GABRA3: variants seen among roughly 807,000 people sequenced by gnomAD.
The protein encoded by GABRA3 is gamma-aminobutyric acid type A receptor subunit alpha3, also known as gamma-aminobutyric acid receptor subunit alpha-3.
In GABRA3, 10 loss-of-function variants were observed where a neutral mutation model predicts 30.1. That is an observed-to-expected ratio of 0.33 (90% CI 0.20 to 0.56). GABRA3 has a LOEUF of 0.56. GABRA3 is among the 20% of genes least tolerant of loss of function. The probability of loss-of-function intolerance (pLI) is 0.89; values close to 1 mark genes in which losing one functional copy is unlikely to be tolerated. For synonymous variants in GABRA3, 151 were observed against 146.8 expected (o/e 1.03, Z -0.21); for missense variants, 233 against 392.0 (o/e 0.59, Z 3.42).
chrX:152,317,289 C>A (rs1379694689), intron 3 of GABRA3, among the ~76,000 whole-genome samples: 1 of 111,507 alleles, frequency 9.0e-6, no homozygotes, highest in East Asian at 2.8e-4. Context: ...AATATATATG[C>A]ACCTAACACT....
chrX:152,384,209 T>C (rs1929235460), intron 1 of GABRA3, among the ~76,000 whole-genome samples: 1 of 111,065 alleles, frequency 9.0e-6, no homozygotes, highest in East Asian at 2.8e-4. Context: ...AGAACACTGA[T>C]TAAAGACATT....
At chrX:152,342,652 C>T (rs766978808) in intron 3 of GABRA3, among the ~76,000 whole-genome samples, 4 of 111,686 alleles carry the variant, frequency 3.6e-5, no homozygotes, top group African/African-American at 9.8e-5. Flanking sequence ...CTGGAATCAT[C>T]GTGAATTCCA....
intron 4 of GABRA3, among the ~76,000 whole-genome samples, chrX:152,263,878 A>T: frequency 8.9e-6 from 1 of 112,164 alleles, no homozygotes. Context: ...TACATCTGGC[A>T]GCAGACTTTT....
intron 3 of GABRA3, among the ~76,000 whole-genome samples, chrX:152,305,426 A>G (rs902895176): frequency 4.5e-5 from 5 of 111,159 alleles, no homozygotes; most frequent in African/African-American, 1.6e-4. Context: ...AATGTAAAAA[A>G]AAAAAAAAAT....
chrX:152,244,299 C>T, intron 5 of GABRA3, among the ~76,000 whole-genome samples: 1 of 111,475 alleles, frequency 9.0e-6, no homozygotes, highest in African/African-American at 3.3e-5. Flanking sequence ...TGTTTGTGTC[C>T]CCCTGAAATT....
rs779557844 is a variant in GABRA3, at chrX:152,189,850, G to A, written c.1023C>T (p.Phe341=). The change falls in exon 9 of 10, where the codon TTC becomes TTT. Residue 341 remains phenylalanine (F), a synonymous_variant. Coordinates refer to ENST00000370314, the MANE Select transcript of GABRA3 (RefSeq NM_000808.4). ...KVAYATAMDW[F]IAVCYAFVFS... Reference sequence around the variant, plus strand: ...ATACAAAGGCATAACAGACGGCTATGAACCAGTCCATGGCCGTCGCATATG... The same window carrying A: ...ATACAAAGGCATAACAGACGGCTATAAACCAGTCCATGGCCGTCGCATATG... The A allele has an allele frequency of 4.1e-6, 5 of 1,209,025 alleles. No homozygotes were observed. The East Asian group carries it at 1.5e-4, about 36-fold the overall frequency.
chrX:152,327,792 C>T (rs767936354), intron 3 of GABRA3, among the ~76,000 whole-genome samples: 6 of 111,526 alleles, frequency 5.4e-5, no homozygotes, highest in African/African-American at 2.0e-4. Flanking sequence ...ATTAAAAGAA[C>T]TAGAGAAGTA....
chrX:152,296,601 T>A, intron 3 of GABRA3, among the ~76,000 whole-genome samples: 1 of 111,988 alleles, frequency 8.9e-6, no homozygotes, highest in Admixed American at 9.5e-5. Context: ...TTTGGTAGGC[T>A]TGGGTTCTAG....
rs765447827 is a variant in GABRA3 at position 152,280,513 on chromosome X, AT to A, written c.330+4154del. ...TGCTATTCTCCTTTTAATTAACACA[AT>A]TTTTTTTTCTCCATGGTGTTTGGAT... On this transcript the variant is annotated intron_variant, in intron 4 of 9. Coordinates refer to ENST00000370314, the MANE Select transcript of GABRA3 (RefSeq NM_000808.4). Among the ~76,000 whole-genome samples the A allele has an allele frequency of 8.1e-3, 888 of 109,919 alleles. 13 individuals are homozygous for A. Among genetic ancestry groups the A allele is most frequent in the African/African-American group, 0.028 (832 of 30,210 alleles).
At chrX:152,367,396 G>A (rs1449400206) in intron 1 of GABRA3, among the ~76,000 whole-genome samples, 1 of 111,474 alleles carries the variant, frequency 9.0e-6, no homozygotes, top group Non-Finnish European at 1.9e-5. Flanking sequence ...ATCATGACAC[G>A]TGCTCAGGCC....
At chrX:152,428,300 T>C (rs1930560959) in intron 1 of GABRA3, among the ~76,000 whole-genome samples, 1 of 112,101 alleles carries the variant, frequency 8.9e-6, no homozygotes, top group South Asian at 3.7e-4. Context: ...TTCAGAGCCC[T>C]GGCTGCTATG....
chrX:152,365,512 T>G (rs1928632529), intron 1 of GABRA3, among the ~76,000 whole-genome samples: 1 of 111,672 alleles, frequency 9.0e-6, no homozygotes, highest in Non-Finnish European at 1.9e-5. Flanking sequence ...AATAAAGTGA[T>G]GGTTACTTGC....
chrX:152,323,139 A>T (rs943131821), intron 3 of GABRA3, among the ~76,000 whole-genome samples: 1 of 110,875 alleles, frequency 9.0e-6, no homozygotes, highest in Non-Finnish European at 1.9e-5. Flanking sequence ...GCGTGAGCCA[A>T]TGCACCCAGC....
chrX:152,368,757 G>A (rs1270841993), intron 1 of GABRA3, among the ~76,000 whole-genome samples: 2 of 93,982 alleles, frequency 2.1e-5, no homozygotes, highest in African/African-American at 8.3e-5. Flanking sequence ...CCAGGCTGGA[G>A]TGCAGTGGCG....
intron 1 of GABRA3, among the ~76,000 whole-genome samples, chrX:152,387,704 A>T (rs1462854692): frequency 8.9e-6 from 1 of 112,100 alleles, no homozygotes; most frequent in Non-Finnish European, 1.9e-5. Flanking sequence ...TAGTCTTAAG[A>T]TTGATTGAAG....
intron 4 of GABRA3, 44 bp from the exon 5 acceptor site, chrX:152,256,042 G>A (rs958696320): frequency 1.0e-6 from 1 of 978,003 alleles, no homozygotes; most frequent in Non-Finnish European, 1.5e-6. Context: ...TTGAGTTCTG[G>A]TAAGGGCTCA....
chrX:152,212,641 G>A (rs1289636305), intron 6 of GABRA3, among the ~76,000 whole-genome samples: 1 of 111,698 alleles, frequency 9.0e-6, no homozygotes, highest in Non-Finnish European at 1.9e-5. Context: ...TGACCCATAG[G>A]CATAATATAC....
At chrX:152,310,797 G>C (rs752564281) in intron 3 of GABRA3, among the ~76,000 whole-genome samples, 5 of 110,503 alleles carry the variant, frequency 4.5e-5, no homozygotes, top group Non-Finnish European at 9.5e-5. Context: ...GAATAAATAA[G>C]ACTGAAAGAC....
At chrX:152,276,256 A>T (rs984106915) in intron 4 of GABRA3, among the ~76,000 whole-genome samples, 3 of 111,941 alleles carry the variant, frequency 2.7e-5, no homozygotes, top group Non-Finnish European at 5.6e-5. Context: ...TGACCACTAA[A>T]CATATAAAAA....
Sources: gnomAD v4.1 joint callset for allele counts (sites outside exome capture counted in the v4.1 genomes callset) on GRCh38, gnomAD v4.1.1 for gene constraint, MANE v1.5 for transcripts, NCBI Gene and HGNC (gene_info 2026-07-23, HGNC 2026-07-21) for gene names.